MYO5B: variants seen among roughly 807,000 people sequenced by gnomAD.
The protein encoded by MYO5B is unconventional myosin-Vb.
A neutral mutation model predicts 229.3 loss-of-function variants in MYO5B; 143 were observed. The ratio of observed to expected loss-of-function variants is 0.62; its 90% CI spans 0.54 to 0.72. The LOEUF (loss-of-function observed/expected upper bound fraction) is 0.72. Among genes scored for constraint, MYO5B ranks in the 30% least tolerant of loss-of-function variants. The pLI, the probability that MYO5B is intolerant of heterozygous loss-of-function variation, is 0.00. For synonymous variants in MYO5B, 918 were observed against 885.2 expected, an observed-to-expected ratio of 1.04 and a Z score of -0.66; for missense variants, 2,321 against 2,331.0, an observed-to-expected ratio of 1.00 and a Z score of 0.09.
At chr18:50,122,634 G>GGAGA (rs778675940) in intron 1 of MYO5B, among the ~76,000 whole-genome samples, 4 of 9,260 alleles carry the variant, frequency 4.3e-4, no homozygotes, top group African/African-American at 1.4e-3. Flanking sequence ...GAAGGGGGGG[G>GGAGA]GAGAGAGAGA....
At chr18:50,121,891 C>T (rs559450938) in intron 1 of MYO5B, among the ~76,000 whole-genome samples, 6 of 152,366 alleles carry the variant, frequency 3.9e-5, no homozygotes, top group African/African-American at 1.4e-4. Flanking sequence ...AGCCCTTTCT[C>T]ACTGCAATCT....
chr18:49,859,448 T>C (rs1322484095), intron 29 of MYO5B, among the ~76,000 whole-genome samples: 1 of 152,184 alleles, frequency 6.6e-6, no homozygotes, highest in Non-Finnish European at 1.5e-5. Context: ...AGCTCAGAGA[T>C]GGTCAGTTTC....
At chr18:49,844,426 C>T (rs555315317) in intron 33 of MYO5B, among the ~76,000 whole-genome samples, 1 of 152,308 alleles carries the variant, frequency 6.6e-6, no homozygotes, top group African/African-American at 2.4e-5. Context: ...TCATGAGCCA[C>T]CTGTAGGCTC....
intron 2 of MYO5B, among the ~76,000 whole-genome samples, chr18:50,045,386 T>C (rs533237608): frequency 1.1e-4 from 17 of 152,264 alleles, no homozygotes; most frequent in African/African-American, 3.8e-4. Flanking sequence ...CACAGTGAGT[T>C]TGGAGTCCTG....
At chr18:49,838,490 G>A (rs1200507034) in intron 36 of MYO5B, among the ~76,000 whole-genome samples, 1 of 152,210 alleles carries the variant, frequency 6.6e-6, no homozygotes, top group Non-Finnish European at 1.5e-5. Context: ...CTCATTTCAA[G>A]TAATGTATTT....
intron 8 of MYO5B, among the ~76,000 whole-genome samples, chr18:49,980,939 T>C (rs1411734467): frequency 6.6e-6 from 1 of 152,206 alleles, no homozygotes; most frequent in African/African-American, 2.4e-5. Context: ...CTGCAATCAT[T>C]TTTTCTCCAA....
chr18:50,115,354 T>C (rs1240355748), intron 1 of MYO5B, among the ~76,000 whole-genome samples: 1 of 152,224 alleles, frequency 6.6e-6, no homozygotes, highest in Non-Finnish European at 1.5e-5. Context: ...GAATTCAATC[T>C]TACGGCTAGA....
intron 17 of MYO5B, among the ~76,000 whole-genome samples, chr18:49,927,109 G>A (rs1255262167): frequency 6.6e-6 from 1 of 152,148 alleles, no homozygotes; most frequent in East Asian, 1.9e-4. Context: ...ACAAAATAAG[G>A]AATGTACTTA....
Position 49,986,144 on chromosome 18 carries a change from A to G in MYO5B, c.839-1319T>C, listed in dbSNP as rs553743475. ...GTGAAGTGGCCACCACATACCCTCC[A>G]GACTCATGGCTTATTCCTTCCCCAT... is the stretch of plus-strand genomic sequence containing the variant. On this transcript the variant is annotated intron_variant, in intron 7 of 39. Coordinates refer to ENST00000285039, the MANE Select transcript of MYO5B (RefSeq NM_001080467.3). 6.6e-4 allele frequency among the ~76,000 whole-genome samples: 101 copies of G among 152,264 alleles called. 1 individual carries two copies. In the South Asian group the frequency reaches 0.021, roughly 31 times the overall value.
chr18:49,830,230 T>C (rs2023899113), intron 39 of MYO5B, among the ~76,000 whole-genome samples: 1 of 149,578 alleles, frequency 6.7e-6, no homozygotes, highest in Non-Finnish European at 1.5e-5. Context: ...CACATAAAAA[T>C]CAGTTGTATT....
intron 12 of MYO5B, among the ~76,000 whole-genome samples, chr18:49,957,138 G>A (rs1893452): frequency 0.65 from 75,975 of 117,638 alleles, 23,873 homozygotes; most frequent in African/African-American, 0.71. Flanking sequence ...GTAAAATAAA[G>A]TAGCAAAAAA....
intron 5 of MYO5B, among the ~76,000 whole-genome samples, chr18:49,998,535 A>T (rs1167521163): frequency 6.6e-6 from 1 of 152,234 alleles, no homozygotes; most frequent in African/African-American, 2.4e-5. Flanking sequence ...ATAAGGTCAG[A>T]CCACTGTGAT....
intron 1 of MYO5B, among the ~76,000 whole-genome samples, chr18:50,094,126 C>A (rs2031504854): frequency 6.6e-6 from 1 of 152,164 alleles, no homozygotes; most frequent in African/African-American, 2.4e-5. Context: ...GTATCAGGAC[C>A]CCTTTCCAGT....
chr18:49,839,267 G>A lies in MYO5B; in HGVS notation c.4729C>T (p.Gln1577Ter). ...AAATTCTTAAGACAGTGTTCATTCT[G>A]CTTTGCAGTGTTCTGAGTCATGAAG... ...EGFMTQNTAK[Q>*]NEHCLKNFDL... Residue 1577 changes from glutamine to a stop codon, truncating the protein, a stop_gained, in exon 36 of 40, where the codon CAG becomes TAG. Coordinates refer to ENST00000285039, the MANE Select transcript of MYO5B (RefSeq NM_001080467.3). LOFTEE classifies it high-confidence loss of function. 1 of 1,614,106 alleles carries A rather than the reference G, an allele frequency of 6.2e-7. No homozygotes were observed. Among genetic ancestry groups the A allele is most frequent in the Non-Finnish European group, 8.5e-7 (1 of 1,180,028 alleles).
At chr18:50,164,892 G>A (rs1286707470) in intron 1 of MYO5B, among the ~76,000 whole-genome samples, 1 of 152,230 alleles carries the variant, frequency 6.6e-6, no homozygotes, top group African/African-American at 2.4e-5. Flanking sequence ...GTTGAGTTAA[G>A]AAATCTCAAG....
intron 1 of MYO5B, among the ~76,000 whole-genome samples, chr18:50,123,197 A>G (rs148647935): frequency 3.3e-5 from 5 of 152,352 alleles, no homozygotes; most frequent in African/African-American, 1.2e-4. Flanking sequence ...AAAGTCACAT[A>G]TTATATGATT....
At chr18:50,191,334 G>A (rs1004552987) in intron 1 of MYO5B, among the ~76,000 whole-genome samples, 1 of 152,198 alleles carries the variant, frequency 6.6e-6, no homozygotes, top group Admixed American at 6.5e-5. Flanking sequence ...GTGCAGCCCA[G>A]CAGCCCTTAG....
At position 50,157,575 on chromosome 18, in the gene MYO5B, A is replaced by C. The variant is rs554112848; in HGVS notation, c.27+37192T>G. Reference sequence around the variant, plus strand: ...TGGCTTTTCTCTCAGCTCCAGCCACATTTCTCTTCTCCCCAACTCCAGCCA... The same window carrying C: ...TGGCTTTTCTCTCAGCTCCAGCCACCTTTCTCTTCTCCCCAACTCCAGCCA... On this transcript the variant is annotated intron_variant, in intron 1 of 39. Transcript: ENST00000285039. Among the ~76,000 whole-genome samples the C allele has an allele frequency of 2.6e-5, 4 of 152,070 alleles. No homozygotes were observed. The East Asian group carries it at 5.8e-4, about 22-fold the overall frequency.
chr18:49,888,685 C>T (rs1391276721), intron 22 of MYO5B, among the ~76,000 whole-genome samples: 8 of 152,190 alleles, frequency 5.3e-5, no homozygotes, highest in Non-Finnish European at 5.9e-5. Context: ...TCTCCTAACT[C>T]GACCTGGGTG....
Sources: gnomAD v4.1 joint callset for allele counts (sites outside exome capture counted in the v4.1 genomes callset) on GRCh38, gnomAD v4.1.1 for gene constraint, MANE v1.5 for transcripts, NCBI Gene and HGNC (gene_info 2026-07-23, HGNC 2026-07-21) for gene names.